CDH18: variants seen among roughly 807,000 people sequenced by gnomAD.
The protein encoded by CDH18 is cadherin 18.
CDH18 carries 31 observed loss-of-function variants against 67.9 expected under a neutral mutation model. The observed-to-expected ratio is 0.46, with a 90% confidence interval of 0.34 to 0.62. The LOEUF (loss-of-function observed/expected upper bound fraction) is 0.62. Among genes scored for constraint, CDH18 ranks in the 20% least tolerant of loss-of-function variants. The probability of loss-of-function intolerance (pLI) is 0.01; values close to 1 mark genes in which losing one functional copy is unlikely to be tolerated. For synonymous variants in CDH18, 362 were observed against 347.2 expected (o/e 1.04, Z -0.48); for missense variants, 890 against 975.5 (o/e 0.91, Z 1.17).
At chr5:20,298,971 G>A (rs1747746064) in intron 1 of CDH18, among the ~76,000 whole-genome samples, 1 of 152,146 alleles carries the variant, frequency 6.6e-6, no homozygotes, top group African/African-American at 2.4e-5. Flanking sequence ...GAGGAGTAGA[G>A]TAAGATGGGG....
intron 2 of CDH18, among the ~76,000 whole-genome samples, chr5:20,245,212 T>C (rs527488159): frequency 6.6e-6 from 1 of 152,148 alleles, no homozygotes; most frequent in Non-Finnish European, 1.5e-5. Context: ...GGATACACCA[T>C]TTCTGAAATA....
chr5:19,722,860 G>A (rs528824039), intron 4 of CDH18, among the ~76,000 whole-genome samples: 1 of 152,048 alleles, frequency 6.6e-6, no homozygotes, highest in Non-Finnish European at 1.5e-5. Flanking sequence ...GAATATGGAA[G>A]CACTGACAAT....
At chr5:19,847,264 C>T (rs11739635) in intron 2 of CDH18, among the ~76,000 whole-genome samples, 53,340 of 151,856 alleles carry the variant, frequency 0.35, 11,026 homozygotes, top group Middle Eastern at 0.56. Context: ...TCACAATGTG[C>T]ATACTGATCT....
chr5:19,904,952 C>G (rs1324661226), intron 2 of CDH18, among the ~76,000 whole-genome samples: 1 of 152,128 alleles, frequency 6.6e-6, no homozygotes, highest in Admixed American at 6.5e-5. Context: ...AAATGCATGT[C>G]TGAGAGATAA....
At chr5:20,346,014 A>G (rs1039909308) in intron 1 of CDH18, among the ~76,000 whole-genome samples, 1 of 152,158 alleles carries the variant, frequency 6.6e-6, no homozygotes, top group Non-Finnish European at 1.5e-5. Flanking sequence ...ATGCTCCAAT[A>G]AGCTAAATAT....
chr5:20,416,800 G>T (rs917995620), intron 1 of CDH18, among the ~76,000 whole-genome samples: 2 of 151,866 alleles, frequency 1.3e-5, no homozygotes, highest in African/African-American at 4.8e-5. Flanking sequence ...TACAGCATGA[G>T]AAAACTTAAA....
chr5:20,521,771 T>C (rs1195143450), intron 1 of CDH18, among the ~76,000 whole-genome samples: 1 of 151,636 alleles, frequency 6.6e-6, no homozygotes, highest in Non-Finnish European at 1.5e-5. Context: ...TAGGGGTAAC[T>C]GGGAATAGAA....
At chr5:19,940,533 T>C (rs1794707566) in intron 2 of CDH18, among the ~76,000 whole-genome samples, 1 of 152,100 alleles carries the variant, frequency 6.6e-6, no homozygotes, top group African/African-American at 2.4e-5. Context: ...TCTGTATAAA[T>C]CATTTCCTGC....
At chr5:20,537,920 A>T (rs1756821160) in intron 1 of CDH18, among the ~76,000 whole-genome samples, 1 of 152,214 alleles carries the variant, frequency 6.6e-6, no homozygotes, top group African/African-American at 2.4e-5. Context: ...AGGATTATGA[A>T]GTCATATTTA....
At chr5:19,881,506 C>T (rs12109792) in intron 2 of CDH18, among the ~76,000 whole-genome samples, 1,581 of 121,934 alleles carry the variant, frequency 0.013, 34 homozygotes, top group African/African-American at 0.045. Flanking sequence ...TCTTCAAGTG[C>T]TTTTTTTTTT....
chr5:19,841,950 A>G (rs2150037602), intron 2 of CDH18, among the ~76,000 whole-genome samples: 1 of 152,346 alleles, frequency 6.6e-6, no homozygotes, highest in South Asian at 2.1e-4. Flanking sequence ...AAACATCACT[A>G]CAGCGCTTAT....
chr5:20,436,815 CA>C (rs34874505), intron 1 of CDH18, among the ~76,000 whole-genome samples: 462 of 140,868 alleles, frequency 3.3e-3, no homozygotes, highest in African/African-American at 0.01. Context: ...ACTAAAAAAC[CA>C]AAAAAAAAAA....
At chr5:20,511,585 A>G (rs969405237) in intron 1 of CDH18, among the ~76,000 whole-genome samples, 1 of 152,196 alleles carries the variant, frequency 6.6e-6, no homozygotes, top group Non-Finnish European at 1.5e-5. Context: ...TCAACTTGCA[A>G]TGTCCATGCT....
chr5:19,784,971 G>A (rs1775539943), intron 3 of CDH18, among the ~76,000 whole-genome samples: 1 of 152,006 alleles, frequency 6.6e-6, no homozygotes, highest in Non-Finnish European at 1.5e-5. Context: ...GAAAATCTTA[G>A]AATCCACCAA....
In CDH18 at chr5:19,498,226, A is replaced by G. The variant is rs141909481; in HGVS notation, c.1630+4766T>C. 4.4e-3 allele frequency among the ~76,000 whole-genome samples: 669 copies of G among 152,302 alleles called. 3 individuals are homozygous for G. Among genetic ancestry groups the G allele is most frequent in the African/African-American group, 0.012 (497 of 41,560 alleles). Reference sequence around the variant, plus strand: ...TCAAATAAATACGTCTTTTCAACCTAAGGAAGACACTGTATCTTCCAAGGC... The same window carrying G: ...TCAAATAAATACGTCTTTTCAACCTGAGGAAGACACTGTATCTTCCAAGGC... On this transcript the variant is annotated intron_variant, in intron 11 of 12. Transcript: ENST00000382275.
At chr5:20,219,668 T>TACTTCAATA (rs1437570820) in intron 2 of CDH18, among the ~76,000 whole-genome samples, 2 of 151,806 alleles carry the variant, frequency 1.3e-5, no homozygotes, top group Admixed American at 1.3e-4. Flanking sequence ...GATGCAAAAA[T>TACTTCAATA]ACTTCAATAT....
intron 1 of CDH18, among the ~76,000 whole-genome samples, chr5:20,526,752 A>G (rs778063100): frequency 3.3e-5 from 5 of 152,124 alleles, no homozygotes; most frequent in Non-Finnish European, 7.4e-5. Context: ...TGCCATCCAA[A>G]GGTCAGCAGC....
intron 2 of CDH18, among the ~76,000 whole-genome samples, chr5:20,045,431 G>A (rs1740813997): frequency 6.6e-6 from 1 of 152,004 alleles, no homozygotes; most frequent in Non-Finnish European, 1.5e-5. Context: ...ATCAAAATTT[G>A]CCTTTATGAT....
rs549540541 is a variant in CDH18, at chr5:20,261,794, TA to T, written c.-579-6290del. On this transcript the variant is annotated intron_variant, in intron 1 of 14. Transcript: ENST00000507958. The stretch of plus-strand genomic sequence containing the variant: ...GTGGTGTGGTTTTGTACTTTCAACC[TA>T]AAATGATAATTCAGATTGTACTGAC... Among the ~76,000 whole-genome samples the T allele has an allele frequency of 1.1e-3, 163 of 152,146 alleles. 1 individual carries two copies. The highest frequency in any genetic ancestry group is 3.8e-3 in the African/African-American group (156 of 41,516).
Sources: allele counts gnomAD v4.1 joint callset (sites outside exome capture counted in the v4.1 genomes callset), GRCh38; gene constraint gnomAD v4.1.1; transcripts MANE v1.5; gene names NCBI Gene and HGNC (gene_info 2026-07-23, HGNC 2026-07-21).